Variants in DZIP3 observed in about 807,000 individuals in gnomAD.
The protein encoded by DZIP3 is E3 ubiquitin-protein ligase DZIP3.
A neutral mutation model predicts 162.0 loss-of-function variants in DZIP3; 118 were observed. That is an observed-to-expected ratio of 0.73 (90% CI 0.63 to 0.85). The LOEUF (loss-of-function observed/expected upper bound fraction) is 0.85. Ranked by LOEUF, DZIP3 falls within the 40% of genes least tolerant of loss-of-function variation. DZIP3 has a pLI of 0.00. For missense variants in DZIP3, 1,331 were observed against 1,407.0 expected (o/e 0.95, Z 0.86); for synonymous variants, 438 against 458.6 (o/e 0.96, Z 0.57).
At chr3:108,649,950 TAAAAC>T (rs879786763) in intron 17 of DZIP3, among the ~76,000 whole-genome samples, 14 of 151,844 alleles carry the variant, frequency 9.2e-5, no homozygotes, top group Non-Finnish European at 1.8e-4. Context: ...TCTTATCTGA[TAAAAC>T]AAACTAATTT....
chr3:108,672,014 C>T (rs1943943331), intron 22 of DZIP3, among the ~76,000 whole-genome samples: 1 of 152,006 alleles, frequency 6.6e-6, no homozygotes, highest in South Asian at 2.1e-4. Context: ...AAGGTAGCAG[C>T]CTATTTGGTA....
chr3:108,687,965 A>G lies in DZIP3; in HGVS notation c.3150-11A>G. 1 of 1,613,308 alleles carries G rather than the reference A, an allele frequency of 6.2e-7. No individual in the cohort carries two copies. Among genetic ancestry groups the G allele is most frequent in the Non-Finnish European group, 8.5e-7 (1 of 1,179,692 alleles). The stretch of plus-strand genomic sequence containing the variant: ...TCATTACTGCCCTTTCCTTTCCTTG[A>G]TCTCTTGCAGAAAGGAACTTACAGA... On this transcript the variant is annotated splice_polypyrimidine_tract_variant and intron_variant, in intron 28 of 32. Coordinates refer to ENST00000361582, the MANE Select transcript of DZIP3 (RefSeq NM_014648.4).
At chr3:108,639,040 A>G (rs1942276522) in intron 12 of DZIP3, among the ~76,000 whole-genome samples, 2 of 152,172 alleles carry the variant, frequency 1.3e-5, no homozygotes, top group Admixed American at 1.3e-4. Flanking sequence ...AAGTATATCT[A>G]GTTTACTATT....
Position 108,662,201 on chromosome 3 carries a change from C to A in DZIP3, c.2367C>A (p.Asp789Glu). 1 of 1,609,772 alleles carries A rather than the reference C, an allele frequency of 6.2e-7. No individual in the cohort carries two copies. The highest frequency in any genetic ancestry group is 8.5e-7 in the Non-Finnish European group (1 of 1,178,922). The change falls in exon 21 of 33, where the codon GAC (aspartate) becomes GAA (glutamate). Residue 789 changes from aspartate (D) to glutamate (E), a missense_variant. Transcript: ENST00000361582. ...QENQMQIKKK[D>E]KIIASLNQQV... is the part of the protein sequence containing the mutation. ...ACCAAATGCAGATTAAAAAGAAAGA[C>A]AAAATTATCGCATCTCTTAATCAAC...
chr3:108,605,262 C>T (rs1940272517), intron 1 of DZIP3, 73 bp from the exon 2 acceptor site: 1 of 1,092,150 alleles, frequency 9.2e-7, no homozygotes, highest in East Asian at 2.5e-5. Flanking sequence ...TTCAAATGAT[C>T]ACGTTCTGTT....
chr3:108,676,988 G>A (rs1944133687), intron 25 of DZIP3, among the ~76,000 whole-genome samples: 1 of 152,082 alleles, frequency 6.6e-6, no homozygotes, highest in African/African-American at 2.4e-5. Context: ...AATGTGTATG[G>A]AGCTAGAACA....
chr3:108,619,761 A>G (rs116716628), intron 5 of DZIP3, among the ~76,000 whole-genome samples: 2,106 of 152,210 alleles, frequency 0.014, 53 homozygotes, highest in African/African-American at 0.048. Context: ...CCCAGAAACA[A>G]TATTTAATCT....
intron 21 of DZIP3, among the ~76,000 whole-genome samples, chr3:108,668,490 C>T (rs1943776991): frequency 6.6e-6 from 1 of 151,886 alleles, no homozygotes; most frequent in Non-Finnish European, 1.5e-5. Context: ...CTAGTTATGT[C>T]TACTCTTATT....
intron 19 of DZIP3, among the ~76,000 whole-genome samples, chr3:108,659,012 C>CA (rs1242194643): frequency 2.0e-5 from 3 of 151,580 alleles, no homozygotes; most frequent in Non-Finnish European, 4.4e-5. Context: ...GCTTACCAAC[C>CA]AAAAAAAAGT....
chr3:108,672,720 A>G, intron 23 of DZIP3, 64 bp downstream of exon 23: 2 of 1,222,568 alleles, frequency 1.6e-6, no homozygotes, highest in Non-Finnish European at 2.3e-6. Flanking sequence ...ATACCATCAT[A>G]CTAAAGAATT....
At chr3:108,629,981 CAT>C (rs1341053235) in intron 8 of DZIP3, among the ~76,000 whole-genome samples, 1 of 151,918 alleles carries the variant, frequency 6.6e-6, no homozygotes, top group Non-Finnish European at 1.5e-5. Flanking sequence ...GTGATCTTTG[CAT>C]ATTTCTCACG....
chr3:108,671,311 A>G (rs1419027575), intron 22 of DZIP3, among the ~76,000 whole-genome samples: 1 of 151,906 alleles, frequency 6.6e-6, no homozygotes, highest in Non-Finnish European at 1.5e-5. Flanking sequence ...TAGGTCCTCA[A>G]GTATCCAAGT....
At chr3:108,674,210 T>C in intron 24 of DZIP3, 29 bp downstream of exon 24, 1 of 1,573,332 alleles carries the variant, frequency 6.4e-7, no homozygotes, top group African/African-American at 1.4e-5. Flanking sequence ...TTAATGCATC[T>C]TAATTTTAGA....
chr3:108,625,603 A>G (rs971104239), intron 6 of DZIP3, among the ~76,000 whole-genome samples: 1 of 152,170 alleles, frequency 6.6e-6, no homozygotes, highest in African/African-American at 2.4e-5. Flanking sequence ...CTTAATATTC[A>G]CTTTGAAATA....
intron 21 of DZIP3, among the ~76,000 whole-genome samples, chr3:108,663,556 CAAAAA>C (rs200932139): frequency 9.6e-6 from 1 of 104,664 alleles, no homozygotes; most frequent in East Asian, 2.5e-4. Flanking sequence ...AAGTCTGTCT[CAAAAA>C]AAAAAAAAAA....
At chr3:108,592,674 C>T in intron 1 of DZIP3, among the ~76,000 whole-genome samples, 1 of 115,328 alleles carries the variant, frequency 8.7e-6, no homozygotes, top group East Asian at 2.4e-4. Flanking sequence ...CCAGCCTGGG[C>T]AATGTGGGCA....
At chr3:108,623,074 C>T (rs1273773762) in intron 5 of DZIP3, among the ~76,000 whole-genome samples, 2 of 152,100 alleles carry the variant, frequency 1.3e-5, no homozygotes, top group South Asian at 4.2e-4. Flanking sequence ...CAGTGCGTTT[C>T]TCTCTGGCCC....
At chr3:108,654,120 C>T (rs751368123) in intron 18 of DZIP3, 25 bp from the exon 19 acceptor site, 3 of 1,607,756 alleles carry the variant, frequency 1.9e-6, no homozygotes, top group Non-Finnish European at 2.5e-6. Context: ...TGTAAAAGCT[C>T]ACATTGATTA....
chr3:108,685,390 C>G (rs906087223), intron 27 of DZIP3, among the ~76,000 whole-genome samples: 9 of 152,096 alleles, frequency 5.9e-5, no homozygotes, highest in African/African-American at 1.9e-4. Flanking sequence ...ACTTCTTAGG[C>G]TCTGTACAAA....
Sources: allele counts gnomAD v4.1 joint callset (sites outside exome capture counted in the v4.1 genomes callset), GRCh38; gene constraint gnomAD v4.1.1; transcripts MANE v1.5; gene names NCBI Gene and HGNC (gene_info 2026-07-23, HGNC 2026-07-21).